ANKS1B: variants seen among roughly 807,000 people sequenced by gnomAD.
ANKS1B encodes the protein ankyrin repeat and sterile alpha motif domain containing 1B.
In ANKS1B, 36 loss-of-function variants were observed where a neutral mutation model predicts 148.3. The ratio of observed to expected loss-of-function variants is 0.24; its 90% CI spans 0.19 to 0.32. ANKS1B has a LOEUF of 0.32. Among genes scored for constraint, ANKS1B ranks in the 10% least tolerant of loss-of-function variants. The pLI, the probability that ANKS1B is intolerant of heterozygous loss-of-function variation, is 1.00. For synonymous variants in ANKS1B, 542 were observed against 560.8 expected (o/e 0.97, Z 0.47); for missense variants, 1,157 against 1,542.6 (o/e 0.75, Z 4.19).
chr12:98,838,382 A>C (rs1298001994), intron 17 of ANKS1B, among the ~76,000 whole-genome samples: 1 of 152,178 alleles, frequency 6.6e-6, no homozygotes. Flanking sequence ...ATGAAATCTC[A>C]ATCCGTTTAT....
chr12:99,582,313 C>T (rs995878266), intron 9 of ANKS1B, among the ~76,000 whole-genome samples: 1 of 151,390 alleles, frequency 6.6e-6, no homozygotes, highest in Non-Finnish European at 1.5e-5. Context: ...ATATATTTAC[C>T]ATAAGACTAT....
At chr12:98,867,882 A>C (rs994269168) in intron 17 of ANKS1B, among the ~76,000 whole-genome samples, 5 of 151,810 alleles carry the variant, frequency 3.3e-5, no homozygotes, top group African/African-American at 1.2e-4. Flanking sequence ...AAAAGAATAT[A>C]AGTCAGTTTT....
At chr12:99,644,489 C>G (rs1266840669) in intron 9 of ANKS1B, among the ~76,000 whole-genome samples, 1 of 152,176 alleles carries the variant, frequency 6.6e-6, no homozygotes, top group Non-Finnish European at 1.5e-5. Flanking sequence ...CATATCACTT[C>G]TTTCTGAGCC....
At chr12:99,113,852 T>C (rs2060789665) in intron 15 of ANKS1B, among the ~76,000 whole-genome samples, 1 of 152,188 alleles carries the variant, frequency 6.6e-6, no homozygotes, top group Non-Finnish European at 1.5e-5. Flanking sequence ...TTTGTATTGA[T>C]TTGTATATTC....
intron 8 of ANKS1B, among the ~76,000 whole-genome samples, chr12:99,738,798 GA>G (rs2059838597): frequency 6.6e-6 from 1 of 152,112 alleles, no homozygotes. Flanking sequence ...AGTAAATAAA[GA>G]AAACCAACAG....
intron 1 of ANKS1B, among the ~76,000 whole-genome samples, chr12:99,947,817 T>C (rs2095108153): frequency 6.6e-6 from 1 of 152,130 alleles, no homozygotes; most frequent in Non-Finnish European, 1.5e-5. Context: ...CAAATAGGAC[T>C]GAAGTCCCCA....
intron 8 of ANKS1B, among the ~76,000 whole-genome samples, chr12:99,758,422 A>G (rs1025828852): frequency 6.6e-6 from 1 of 151,944 alleles, no homozygotes; most frequent in Non-Finnish European, 1.5e-5. Flanking sequence ...ATGACAGGCT[A>G]CCATTCGTTT....
chr12:98,954,238 G>A (rs528646613), intron 17 of ANKS1B: 4 of 152,300 alleles, frequency 2.6e-5, no homozygotes, highest in East Asian at 3.9e-4. Context: ...TGAAATCTGC[G>A]AACCTGTTTT....
intron 12 of ANKS1B, among the ~76,000 whole-genome samples, chr12:99,327,913 T>A (rs1345181474): frequency 6.6e-6 from 1 of 151,854 alleles, no homozygotes; most frequent in Non-Finnish European, 1.5e-5. Flanking sequence ...ATTTTTAAAC[T>A]AACGGGATTA....
At chr12:99,083,407 C>A (rs527483360) in intron 16 of ANKS1B, among the ~76,000 whole-genome samples, 3 of 152,196 alleles carry the variant, frequency 2.0e-5, no homozygotes, top group African/African-American at 7.2e-5. Flanking sequence ...CTTCTAATCC[C>A]ACTTGTACAC....
In ANKS1B at chr12:99,240,957, A is replaced by C. The variant is rs191206064; in HGVS notation, c.2419+3385T>G. Among the ~76,000 whole-genome samples, 671 of 152,346 alleles carry C rather than the reference A, an allele frequency of 4.4e-3. 5 individuals carry two copies. Among genetic ancestry groups the C allele is most frequent in the African/African-American group, 0.015 (605 of 41,580 alleles). On this transcript the variant is annotated intron_variant, in intron 14 of 26. Coordinates refer to ENST00000683438, the MANE Select transcript of ANKS1B (RefSeq NM_001352186.2). ...ACAAGAGAAAGCAGGAAAGATCTAA[A>C]ATTGACACGCTAACATCACAATTAA...
chr12:99,791,260 G>C (rs1034229980), intron 4 of ANKS1B, among the ~76,000 whole-genome samples: 8 of 151,862 alleles, frequency 5.3e-5, no homozygotes, highest in Admixed American at 2.0e-4. Flanking sequence ...AAACACTGGA[G>C]TACCCAGATA....
chr12:98,806,706 T>C (rs1301593863), intron 20 of ANKS1B, among the ~76,000 whole-genome samples: 9 of 152,180 alleles, frequency 5.9e-5, no homozygotes, highest in African/African-American at 9.7e-5. Flanking sequence ...GATGTTGTAG[T>C]TGTTCTTTCA....
chr12:99,154,524 G>T, intron 14 of ANKS1B, 129 bp from the exon 15 acceptor site: 1 of 1,599,278 alleles, frequency 6.3e-7, no homozygotes, highest in South Asian at 1.1e-5. Flanking sequence ...AAAGGAGCCC[G>T]CCAGCTTGAC....
intron 15 of ANKS1B, among the ~76,000 whole-genome samples, chr12:99,085,262 A>G (rs898841701): frequency 2.6e-5 from 4 of 152,092 alleles, no homozygotes; most frequent in Non-Finnish European, 4.4e-5. Flanking sequence ...ACATGGGGTT[A>G]TCTGCACTGG....
chr12:99,110,794 TC>T (rs2060138584), intron 15 of ANKS1B, among the ~76,000 whole-genome samples: 1 of 152,216 alleles, frequency 6.6e-6, no homozygotes, highest in Non-Finnish European at 1.5e-5. Context: ...TTTGATAACT[TC>T]CTGTAACTTG....
At chr12:99,755,559 C>A (rs867544364) in intron 8 of ANKS1B, among the ~76,000 whole-genome samples, 2 of 147,472 alleles carry the variant, frequency 1.4e-5, no homozygotes, top group East Asian at 2.0e-4. Context: ...AAAATTCACA[C>A]CAATATCCTT....
intron 12 of ANKS1B, among the ~76,000 whole-genome samples, chr12:99,383,630 G>A (rs1464299477): frequency 2.0e-5 from 3 of 152,052 alleles, no homozygotes; most frequent in African/African-American, 7.2e-5. Context: ...GGTCTTCCCC[G>A]ATGCCCTTGA....
At chr12:99,781,010 C>G (rs936707250) in intron 5 of ANKS1B, among the ~76,000 whole-genome samples, 4 of 136,672 alleles carry the variant, frequency 2.9e-5, no homozygotes, top group Non-Finnish European at 4.6e-5. Flanking sequence ...TTTAACACAG[C>G]AAATAGCTTT....
Sources: gnomAD v4.1 joint callset for allele counts (sites outside exome capture counted in the v4.1 genomes callset) on GRCh38, gnomAD v4.1.1 for gene constraint, MANE v1.5 for transcripts, NCBI Gene and HGNC (gene_info 2026-07-23, HGNC 2026-07-21) for gene names.